PATJ: variants seen among roughly 807,000 people sequenced by gnomAD.
PATJ encodes the protein PATJ crumbs cell polarity complex component.
In PATJ, 190 loss-of-function variants were observed where a neutral mutation model predicts 224.9. The ratio of observed to expected loss-of-function variants is 0.84; its 90% CI spans 0.75 to 0.95. The LOEUF (loss-of-function observed/expected upper bound fraction) is 0.95. Among genes scored for constraint, PATJ ranks in the 40% least tolerant of loss-of-function variants. The probability of loss-of-function intolerance (pLI) is 0.00; values close to 1 mark genes in which losing one functional copy is unlikely to be tolerated. For missense variants in PATJ, 2,121 were observed against 2,270.3 expected (o/e 0.93, Z 1.34); for synonymous variants, 769 against 820.3 (o/e 0.94, Z 1.07).
chr1:61,775,333 G>T lies in PATJ; in HGVS notation c.848G>T (p.Arg283Leu). The T allele has an allele frequency of 1.2e-6, 2 of 1,605,344 alleles. No individual in the cohort carries two copies. Among genetic ancestry groups the T allele is most frequent in the Admixed American group, 1.7e-5 (1 of 57,714 alleles). ...RTIVPGGLAD[R>L]DGRLQTGDHI... ...ATAGTTCCTGGAGGATTAGCAGATC[G>T]AGTAAGTCAACCTTCCTTGTTATCA... The change falls in exon 7 of 44, where the codon CGA becomes CTA. Residue 283 changes from arginine (R) to leucine (L), a missense_variant and splice_region_variant. Transcript: ENST00000642238.
intron 1 of PATJ, among the ~76,000 whole-genome samples, chr1:61,754,284 C>T (rs1277160690): frequency 3.3e-5 from 5 of 152,154 alleles, no homozygotes; most frequent in Admixed American, 1.3e-4. Context: ...TTTGAATGAC[C>T]AAAGATTTCC....
At chr1:61,821,133 C>T (rs555155550) in intron 14 of PATJ, among the ~76,000 whole-genome samples, 5 of 152,038 alleles carry the variant, frequency 3.3e-5, no homozygotes, top group South Asian at 2.1e-4. Flanking sequence ...CTCCACCTCC[C>T]GGGTTTACTT....
chr1:62,043,982 C>G (rs111763844), intron 30 of PATJ, among the ~76,000 whole-genome samples: 1,789 of 152,166 alleles, frequency 0.012, 32 homozygotes, highest in African/African-American at 0.041. Context: ...CTCAGCCCCT[C>G]GAGACAGTGC....
chr1:61,832,174 G>A (rs1659453116), intron 16 of PATJ, among the ~76,000 whole-genome samples: 1 of 152,070 alleles, frequency 6.6e-6, no homozygotes. Context: ...GGGCCTACTT[G>A]GGGGTAGAGG....
rs776697251 is a variant in PATJ, at chr1:61,884,450, GGTT to G, written c.3131+43_3131+45del. The G allele has an allele frequency of 1.0e-3, 723 of 688,984 alleles. 5 individuals are homozygous for G. In the African/African-American group the frequency reaches 0.021, roughly 20 times the overall value. The allele number at this position is 688,984 out of a possible 1,614,324, so 42.7% of individuals were successfully genotyped here. ...CTTTGTTTTCACATTATAAAATAGT[GGTT>G]TTTTTTTTTTTTTTTTTTTTGCTTA... On this transcript the variant is annotated intron_variant, in intron 22 of 43. Coordinates refer to ENST00000642238, the MANE Select transcript of PATJ (RefSeq NM_001350145.3).
intron 27 of PATJ, among the ~76,000 whole-genome samples, chr1:61,949,417 A>G (rs914776548): frequency 3.3e-5 from 5 of 150,906 alleles, no homozygotes; most frequent in African/African-American, 9.9e-5. Context: ...CACAACTCCA[A>G]TATACTAAAA....
rs568176037 is a variant in PATJ, at chr1:62,111,134, A to G, written c.4461+2614A>G. Among the ~76,000 whole-genome samples the G allele has an allele frequency of 5.3e-5, 8 of 152,320 alleles. No homozygotes were observed. The East Asian group carries it at 1.3e-3, about 26-fold the overall frequency. On this transcript the variant is annotated intron_variant, in intron 34 of 43. Coordinates refer to ENST00000642238, the MANE Select transcript of PATJ (RefSeq NM_001350145.3). ...TTTGTAATATTAGAGCTTAATGACA[A>G]TGCTTTTAATTAAAAGTATATTTGT...
At chr1:62,004,885 A>G (rs1342961496) in intron 28 of PATJ, among the ~76,000 whole-genome samples, 1 of 152,234 alleles carries the variant, frequency 6.6e-6, no homozygotes. Flanking sequence ...AAACTTTTAC[A>G]TAAATGAAAA....
chr1:61,891,046 C>CA lies in PATJ; in HGVS notation c.3131+6649dup, dbSNP rs559211382. Among the ~76,000 whole-genome samples the CA allele has an allele frequency of 9.0e-4, 121 of 134,628 alleles. 1 individual carries two copies. The highest frequency in any genetic ancestry group is 2.3e-3 in the East Asian group (11 of 4,742). 88.3% of individuals were successfully genotyped at this position (134,628 alleles called of 152,430 possible). On this transcript the variant is annotated intron_variant, in intron 22 of 43. Coordinates refer to ENST00000642238, the MANE Select transcript of PATJ (RefSeq NM_001350145.3). Reference sequence around the variant, plus strand: ...AAGACTCAAGGAGGTTGTTGATTAACAAAAAAAAAAATGTAATAGGATCAA... The same window carrying CA: ...AAGACTCAAGGAGGTTGTTGATTAACAAAAAAAAAAAATGTAATAGGATCAA...
At chr1:61,758,322 A>T (rs933793557) in intron 1 of PATJ, among the ~76,000 whole-genome samples, 1 of 152,264 alleles carries the variant, frequency 6.6e-6, no homozygotes, top group Middle Eastern at 3.4e-3. Context: ...TTCTACATGT[A>T]TTTATGATAA....
At chr1:62,011,620 T>G (rs1646454978) in intron 28 of PATJ, among the ~76,000 whole-genome samples, 1 of 151,628 alleles carries the variant, frequency 6.6e-6, no homozygotes, top group Non-Finnish European at 1.5e-5. Context: ...ATTGAGAGAA[T>G]TACCCAAATG....
intron 7 of PATJ, among the ~76,000 whole-genome samples, chr1:61,779,952 T>C (rs11587744): frequency 0.26 from 39,666 of 151,790 alleles, 5,391 homozygotes; most frequent in East Asian, 0.45. Flanking sequence ...GAGAACTCAC[T>C]GCACTAAGTA....
chr1:61,895,458 C>T (rs1031675645), intron 22 of PATJ, among the ~76,000 whole-genome samples: 12 of 152,206 alleles, frequency 7.9e-5, no homozygotes, highest in Admixed American at 4.6e-4. Context: ...CCCTGCATTC[C>T]AGGTGTTCCA....
chr1:62,093,115 A>G (rs1246619022), intron 33 of PATJ, among the ~76,000 whole-genome samples: 1 of 152,130 alleles, frequency 6.6e-6, no homozygotes, highest in African/African-American at 2.4e-5. Flanking sequence ...TTTAATACCA[A>G]TTTAATTCAT....
At chr1:62,117,411 C>T in intron 37 of PATJ, 193 bp downstream of exon 37, 22 of 1,408,522 alleles carry the variant, frequency 1.6e-5, no homozygotes, top group Non-Finnish European at 2.0e-5. Flanking sequence ...CTAGATTTTT[C>T]TCTCCTTTAT....
At chr1:62,015,081 C>T (rs1204968394) in intron 28 of PATJ, among the ~76,000 whole-genome samples, 1 of 152,080 alleles carries the variant, frequency 6.6e-6, no homozygotes, top group Non-Finnish European at 1.5e-5. Context: ...GGGCGGACCA[C>T]CTGAGGTCAG....
At chr1:62,094,644 GTATT>G (rs772536799) in intron 33 of PATJ, among the ~76,000 whole-genome samples, 1 of 151,608 alleles carries the variant, frequency 6.6e-6, no homozygotes, top group Non-Finnish European at 1.5e-5. Flanking sequence ...GTGTAAGTGA[GTATT>G]TAATCTTTTT....
chr1:61,946,474 G>T (rs989885793), intron 27 of PATJ, among the ~76,000 whole-genome samples: 1 of 152,124 alleles, frequency 6.6e-6, no homozygotes, highest in Non-Finnish European at 1.5e-5. Flanking sequence ...TAGAAGAAAT[G>T]GATAAATTCC....
At chr1:61,822,027 C>T (rs1399821959) in intron 14 of PATJ, among the ~76,000 whole-genome samples, 2 of 152,172 alleles carry the variant, frequency 1.3e-5, no homozygotes, top group Non-Finnish European at 2.9e-5. Context: ...TTTCCCAAAT[C>T]GGAAATGTTT....
Sources: gnomAD v4.1 joint callset for allele counts (sites outside exome capture counted in the v4.1 genomes callset) on GRCh38, gnomAD v4.1.1 for gene constraint, MANE v1.5 for transcripts, NCBI Gene and HGNC (gene_info 2026-07-23, HGNC 2026-07-21) for gene names.